Variants in SAMD5 observed in about 807,000 individuals in gnomAD.
The protein encoded by SAMD5 is sterile alpha motif domain-containing protein 5.
SAMD5 carries 13 observed loss-of-function variants against 11.3 expected under a neutral mutation model. The ratio of observed to expected loss-of-function variants is 1.15; its 90% confidence interval spans 0.75 to 1.83. SAMD5 has a LOEUF of 1.83. Among genes scored for constraint, SAMD5 ranks in the 40% most tolerant of loss-of-function variants. The pLI, the probability that SAMD5 is intolerant of heterozygous loss-of-function variation, is 0.00. For synonymous variants in SAMD5, 129 were observed against 111.3 expected (o/e 1.16, Z -1.00); for missense variants, 255 against 239.1 (o/e 1.07, Z -0.44).
At chr6:147,723,470 C>G (rs1405794068) in intron 1 of SAMD5, among the ~76,000 whole-genome samples, 2 of 152,164 alleles carry the variant, frequency 1.3e-5, no homozygotes, top group Non-Finnish European at 2.9e-5. Flanking sequence ...ATACAAGAAG[C>G]ATCTGGGGAA....
chr6:147,700,410 T>C (rs1325951513), intron 1 of SAMD5, among the ~76,000 whole-genome samples: 1 of 152,166 alleles, frequency 6.6e-6, no homozygotes, highest in Non-Finnish European at 1.5e-5. Context: ...TTCACCCCCA[T>C]TTTTCTTATC....
chr6:147,622,878 C>T (rs1789992076), intron 1 of SAMD5, among the ~76,000 whole-genome samples: 1 of 152,136 alleles, frequency 6.6e-6, no homozygotes, highest in East Asian at 1.9e-4. Context: ...GCACATCTTA[C>T]GTGGTGGCAG....
At chr6:147,764,598 A>G in the SAMD5 span, among the ~76,000 whole-genome samples, 1 of 152,194 alleles carries the variant, frequency 6.6e-6, no homozygotes, top group Non-Finnish European at 1.5e-5. Flanking sequence ...AATAATTTAC[A>G]GAAGTCATTA....
At chr6:147,855,375 C>G in the SAMD5 span, among the ~76,000 whole-genome samples, 2 of 152,178 alleles carry the variant, frequency 1.3e-5, no homozygotes, top group South Asian at 4.1e-4. Flanking sequence ...CTTCAAATAT[C>G]TGAAAGCGAG....
chr6:147,925,129 G>A, the SAMD5 span, among the ~76,000 whole-genome samples: 2 of 152,202 alleles, frequency 1.3e-5, no homozygotes, highest in Non-Finnish European at 2.9e-5. Context: ...CCAATGTGTT[G>A]GTATTAGGAG....
In SAMD5 at chr6:147,699,382, C is replaced by T. The variant is rs1791221523; in HGVS notation, c.163-37935C>T. Among the ~76,000 whole-genome samples the T allele has an allele frequency of 2.2e-5, 3 of 139,290 alleles. 1 individual carries two copies. The South Asian group carries it at 7.0e-4, about 32-fold the overall frequency. 91.4% of individuals were successfully genotyped at this position (139,290 alleles called of 152,430 possible). On this transcript the variant is annotated intron_variant, in intron 1 of 1. Transcript: ENST00000566741. ...TATCTAAAAAGAACCCTGAGGTTTC[C>T]CTTGCCCCACCTACTTGTACTGTAG...
At chr6:147,607,971 G>T (rs1003329215) in intron 1 of SAMD5, among the ~76,000 whole-genome samples, 1 of 152,212 alleles carries the variant, frequency 6.6e-6, no homozygotes, top group Non-Finnish European at 1.5e-5. Flanking sequence ...CCAAACCTGG[G>T]CAAAAGATTT....
rs1181554072 is a variant in SAMD5, at chr6:147,711,279, C to T, written c.163-26038C>T. Among the ~76,000 whole-genome samples the T allele has an allele frequency of 6.6e-6, 1 of 152,138 alleles. No individual in the cohort carries two copies. Among genetic ancestry groups the T allele is most frequent in the Non-Finnish European group, 1.5e-5 (1 of 68,018 alleles). On this transcript the variant is annotated intron_variant, in intron 1 of 1. Transcript: ENST00000566741. The surrounding 1 kb of genome is among the most constrained non-coding windows in gnomAD (Gnocchi z 4.1). The stretch of plus-strand genomic sequence containing the variant: ...GAGTTCAGCCCATTGTCAGGGGTTT[C>T]ACAGCTCGTAGGTTGTGGGACTGGG...
At chr6:147,725,619 C>G (rs542473640) in intron 1 of SAMD5, among the ~76,000 whole-genome samples, 1 of 152,298 alleles carries the variant, frequency 6.6e-6, no homozygotes, top group Admixed American at 6.5e-5. Context: ...GAACTCCTGA[C>G]CTCAGGTGAT....
chr6:147,638,719 C>A (rs1448504428), intron 1 of SAMD5, among the ~76,000 whole-genome samples: 1 of 152,034 alleles, frequency 6.6e-6, no homozygotes, highest in African/African-American at 2.4e-5. Context: ...ACTTTTATAG[C>A]CTATTATGGA....
At chr6:147,631,361 T>G (rs746612980) in intron 1 of SAMD5, among the ~76,000 whole-genome samples, 11 of 152,164 alleles carry the variant, frequency 7.2e-5, no homozygotes, top group Non-Finnish European at 1.3e-4. Context: ...AATTACTTGC[T>G]TGATTGGTGA....
chr6:147,918,457 A>T, the SAMD5 span, among the ~76,000 whole-genome samples: 1 of 152,102 alleles, frequency 6.6e-6, no homozygotes, highest in Non-Finnish European at 1.5e-5. Flanking sequence ...GCCCTCTCTC[A>T]CCACTCCTAT....
At chr6:147,547,447 C>T (rs1450254817) in intron 1 of SAMD5, among the ~76,000 whole-genome samples, 2 of 147,278 alleles carry the variant, frequency 1.4e-5, no homozygotes, top group Non-Finnish European at 3.0e-5. Flanking sequence ...AGGAGGTTCC[C>T]GTTTGCTTTG....
intron 1 of SAMD5, among the ~76,000 whole-genome samples, chr6:147,703,847 T>C (rs1791289634): frequency 6.6e-6 from 1 of 152,164 alleles, no homozygotes; most frequent in African/African-American, 2.4e-5. Flanking sequence ...ATCTAGTATC[T>C]AGAAACACAC....
the SAMD5 span, among the ~76,000 whole-genome samples, chr6:147,852,696 T>C: frequency 6.6e-6 from 1 of 152,172 alleles, no homozygotes; most frequent in African/African-American, 2.4e-5. Flanking sequence ...TTTATCAGTA[T>C]GCTACATAAC....
chr6:147,896,843 A>G, the SAMD5 span, among the ~76,000 whole-genome samples: 1,186 of 152,058 alleles, frequency 7.8e-3, 12 homozygotes, highest in African/African-American at 0.028. Context: ...CATAGCACCA[A>G]TATTGAAGTA....
the SAMD5 span, among the ~76,000 whole-genome samples, chr6:147,930,660 GA>G: frequency 6.6e-6 from 1 of 152,230 alleles, no homozygotes; most frequent in African/African-American, 2.4e-5. Flanking sequence ...CAAAACTAGA[GA>G]AGCTGACAAT....
rs1242268689 is a variant in SAMD5, at chr6:147,569,786, G to C, written c.*5330G>C. On this transcript the variant is annotated 3_prime_UTR_variant, in exon 2 of 2. Transcript: ENST00000367474. ...TTGGAAAATCTACATGTGTATATCT[G>C]AGTAGCGAAGCACAGATTCACTCTA... 3.0e-6 allele frequency: 3 copies of C among 985,282 alleles called. No individual in the cohort carries two copies. Among genetic ancestry groups the C allele is most frequent in the Non-Finnish European group, 3.6e-6 (3 of 829,912 alleles). 61.0% of individuals were successfully genotyped at this position (985,282 alleles called of 1,614,324 possible). A position where few individuals can be genotyped will look rare whatever the true frequency, so the allele number is the denominator to read the frequency against.
At chr6:147,864,246 A>T in the SAMD5 span, among the ~76,000 whole-genome samples, 3 of 152,284 alleles carry the variant, frequency 2.0e-5, no homozygotes, top group Admixed American at 6.5e-5. Flanking sequence ...TTTTATGCTG[A>T]GGGACCTGGC....
Sources: gnomAD v4.1 joint callset for allele counts (sites outside exome capture counted in the v4.1 genomes callset) on GRCh38, gnomAD v4.1.1 for gene constraint, Gnocchi (gnomAD v3.1) non-coding constraint, MANE v1.5 for transcripts, NCBI Gene and HGNC (gene_info 2026-07-23, HGNC 2026-07-21) for gene names.